The following ARSG variants were observed in gnomAD, a reference collection of about 807,000 sequenced individuals.
The protein encoded by ARSG is ASG.
ARSG carries 37 observed loss-of-function variants against 50.5 expected under a neutral mutation model. The ratio of observed to expected loss-of-function variants is 0.73; its 90% CI spans 0.56 to 0.96. The LOEUF is 0.96. Ranked by LOEUF, ARSG falls within the 50% of genes least tolerant of loss-of-function variation. ARSG has a pLI of 0.00. For synonymous variants in ARSG, 225 were observed against 254.6 expected (o/e 0.88, Z 1.11); for missense variants, 629 against 675.3 (o/e 0.93, Z 0.76).
In ARSG at chr17:68,420,537, C is replaced by T. The variant is rs188391179; in HGVS notation, c.*74C>T. 1.3e-4 allele frequency: 199 copies of T among 1,513,894 alleles called. No individual in the cohort carries two copies. The African/African-American group carries it at 2.3e-3, about 18-fold the overall frequency. 93.8% of individuals were successfully genotyped at this position (1,513,894 alleles called of 1,614,324 possible). A position where few individuals can be genotyped will look rare whatever the true frequency, so the allele number is the denominator to read the frequency against. On this transcript the variant is annotated 3_prime_UTR_variant, in exon 12 of 12. Transcript: ENST00000621439. Reference sequence around the variant, plus strand: ...TTTGCTTCCAAATTTCATTTTTACCCTCTTTACAAACACACGCTTTAGTTT... The same window carrying T: ...TTTGCTTCCAAATTTCATTTTTACCTTCTTTACAAACACACGCTTTAGTTT...
chr17:68,359,111 C>T lies in ARSG; in HGVS notation c.704+2307C>T, dbSNP rs1412733340. ...CCGGGAGGTGGAGCTTGCAGTGAGC[C>T]GAGATCAGGCCACTGCACTCCAGCC... On this transcript the variant is annotated intron_variant, in intron 6 of 11. Transcript: ENST00000621439. Among the ~76,000 whole-genome samples, 4 of 151,920 alleles carry T rather than the reference C, an allele frequency of 2.6e-5. No homozygotes were observed. The East Asian group carries it at 7.7e-4, about 29-fold the overall frequency.
chr17:68,317,057 C>T (rs1294447078), intron 2 of ARSG, among the ~76,000 whole-genome samples: 1 of 151,928 alleles, frequency 6.6e-6, no homozygotes, highest in Non-Finnish European at 1.5e-5. Context: ...TTGTTTTTAA[C>T]CTGGTTGCAG....
the ARSG span, chr17:68,450,665 C>G: frequency 1.3e-6 from 2 of 1,528,108 alleles, no homozygotes; most frequent in Non-Finnish European, 1.8e-6. Context: ...TGAAAGATGT[C>G]CATCTTTTTG....
rs567218975 is a variant in ARSG at position 68,384,956 on chromosome 17, G to A, written c.983-108G>A. 580 of 802,518 alleles carry A rather than the reference G, an allele frequency of 7.2e-4. 1 individual carries two copies. Among genetic ancestry groups the A allele is most frequent in the Non-Finnish European group, 1.0e-3 (502 of 482,794 alleles). 49.7% of individuals were successfully genotyped at this position (802,518 alleles called of 1,614,324 possible). On this transcript the variant is annotated intron_variant, in intron 8 of 11. Coordinates refer to ENST00000621439, the MANE Select transcript of ARSG (RefSeq NM_001267727.2). Reference sequence around the variant, plus strand: ...TACCAAAAAAGTCATTCCTTTGTTGGGGTTATTGGAAACTCAGAGAGGGGT... The same window carrying A: ...TACCAAAAAAGTCATTCCTTTGTTGAGGTTATTGGAAACTCAGAGAGGGGT...
At chr17:68,335,948 G>A (rs553175601) in intron 2 of ARSG, among the ~76,000 whole-genome samples, 1 of 152,244 alleles carries the variant, frequency 6.6e-6, no homozygotes, top group East Asian at 1.9e-4. Flanking sequence ...ACCCAGGCTG[G>A]AGTGCAGTGG....
intron 1 of ARSG, among the ~76,000 whole-genome samples, chr17:68,280,933 T>C (rs2075674683): frequency 6.6e-6 from 1 of 152,126 alleles, no homozygotes; most frequent in African/African-American, 2.4e-5. Flanking sequence ...GAGACCAGCC[T>C]GGGCAACATG....
chr17:68,423,392 T>A (rs577566283), downstream of ARSG, among the ~76,000 whole-genome samples: 1 of 152,256 alleles, frequency 6.6e-6, no homozygotes, highest in South Asian at 2.1e-4. This position sits in a 1 kb window ranked among gnomAD's most constrained non-coding sequence, Gnocchi z 4.4. Flanking sequence ...AGACAGTGCC[T>A]TAGTGGGAGC....
At chr17:68,278,108 C>T in intron 1 of ARSG, 1 of 1,613,666 alleles carries the variant, frequency 6.2e-7, no homozygotes, top group Non-Finnish European at 8.5e-7. Context: ...TTAAGACAAA[C>T]ACACAGATTG....
intron 1 of ARSG, among the ~76,000 whole-genome samples, chr17:68,301,193 CT>C (rs1411778976): frequency 6.6e-6 from 1 of 151,894 alleles, no homozygotes; most frequent in Non-Finnish European, 1.5e-5. Flanking sequence ...TCAAAGATGT[CT>C]TGTGCATCTT....
At chr17:68,434,196 T>A in the ARSG span, among the ~76,000 whole-genome samples, 1 of 152,208 alleles carries the variant, frequency 6.6e-6, no homozygotes, top group East Asian at 1.9e-4. Flanking sequence ...GCTGCAAACC[T>A]ACATCCGATA....
chr17:68,371,733 C>T (rs1022261483), intron 8 of ARSG, among the ~76,000 whole-genome samples: 7 of 152,066 alleles, frequency 4.6e-5, no homozygotes, highest in African/African-American at 1.7e-4. Flanking sequence ...TTGGACATAA[C>T]CCAAGTGTCT....
intron 3 of ARSG, among the ~76,000 whole-genome samples, chr17:68,344,756 C>T (rs2078431005): frequency 6.6e-6 from 1 of 152,214 alleles, no homozygotes; most frequent in African/African-American, 2.4e-5. Context: ...GAGCTGGACC[C>T]CTTGGGATCC....
At chr17:68,396,740 T>G (rs1232201865) in intron 10 of ARSG, among the ~76,000 whole-genome samples, 3 of 152,112 alleles carry the variant, frequency 2.0e-5, no homozygotes, top group Non-Finnish European at 4.4e-5. Flanking sequence ...GGGCCATCGG[T>G]TCTTCTGTGC....
chr17:68,272,730 G>A, intron 1 of ARSG: 2 of 1,614,110 alleles, frequency 1.2e-6, no homozygotes, highest in Non-Finnish European at 1.7e-6. Context: ...GTGATAGGAT[G>A]GTTACAGTTG....
chr17:68,436,233 A>AATAGTATCACCTTCTCTTGAACAACTCCC, the ARSG span: 1 of 698,464 alleles, frequency 1.4e-6, no homozygotes, highest in Non-Finnish European at 2.5e-6. Flanking sequence ...CCCGAGGGGA[A>AATAGTATCACCTTCTCTTGAACAACTCCC]ATAGTATCAC....
intron 2 of ARSG, among the ~76,000 whole-genome samples, chr17:68,341,166 G>C (rs2078250361): frequency 6.6e-6 from 1 of 152,078 alleles, no homozygotes. Flanking sequence ...AACACTGGGT[G>C]CTGATATTAC....
chr17:68,305,166 T>C (rs571318938), intron 1 of ARSG, among the ~76,000 whole-genome samples: 84 of 152,120 alleles, frequency 5.5e-4, no homozygotes, highest in South Asian at 4.4e-3. Context: ...AAAATAAACT[T>C]GCAAATTTAG....
intron 1 of ARSG, among the ~76,000 whole-genome samples, chr17:68,296,946 G>T (rs2076229119): frequency 6.6e-6 from 1 of 152,220 alleles, no homozygotes; most frequent in African/African-American, 2.4e-5. Flanking sequence ...GATGAAGCTG[G>T]CAGGGCGAGG....
chr17:68,355,750 GT>G (rs771647836), intron 5 of ARSG, among the ~76,000 whole-genome samples: 140 of 137,368 alleles, frequency 1.0e-3, no homozygotes, highest in Admixed American at 1.3e-3. Context: ...CCATGAGCTT[GT>G]TTTTTTTTTT....
Sources: allele counts gnomAD v4.1 joint callset (sites outside exome capture counted in the v4.1 genomes callset), GRCh38; gene constraint gnomAD v4.1.1; non-coding constraint Gnocchi (gnomAD v3.1); transcripts MANE v1.5; gene names NCBI Gene and HGNC (gene_info 2026-07-23, HGNC 2026-07-21).